Variants in CTNND2 observed in about 807,000 individuals in gnomAD.
CTNND2 encodes the protein catenin delta-2.
CTNND2 carries 22 observed loss-of-function variants against 144.4 expected under a neutral mutation model. That is an observed-to-expected ratio of 0.15 (90% CI 0.11 to 0.22). The LOEUF is 0.22. CTNND2 is among the 10% of genes least tolerant of loss of function. The pLI, the probability that CTNND2 is intolerant of heterozygous loss-of-function variation, is 1.00. For missense variants in CTNND2, 1,353 were observed against 1,618.8 expected (o/e 0.84, Z 2.82); for synonymous variants, 751 against 695.6 (o/e 1.08, Z -1.25).
Position 11,443,403 on chromosome 5 carries a change from T to G in CTNND2, c.288-31334A>C, listed in dbSNP as rs1446537304. Among the ~76,000 whole-genome samples the G allele has an allele frequency of 1.7e-4, 9 of 52,378 alleles. No homozygotes were observed. The East Asian group carries it at 2.0e-3, about 12-fold the overall frequency. The allele number at this position is 52,378 out of a possible 152,430, so 34.4% of individuals were successfully genotyped here. The stretch of plus-strand genomic sequence containing the variant: ...GAGTGGGGGGTGTGTGGTGTGTGTG[T>G]GGGGGGGGTGTGTGGTGTGTGTGTG... On this transcript the variant is annotated intron_variant, in intron 3 of 21. Coordinates refer to ENST00000304623, the MANE Select transcript of CTNND2 (RefSeq NM_001332.4).
chr5:11,299,685 C>T (rs1201605612), intron 9 of CTNND2, among the ~76,000 whole-genome samples: 3 of 152,146 alleles, frequency 2.0e-5, no homozygotes, highest in Non-Finnish European at 4.4e-5. Context: ...TGAAACTTTC[C>T]TGCCAAGGTG....
intron 11 of CTNND2, among the ~76,000 whole-genome samples, chr5:11,173,245 G>A (rs56968720): frequency 6.6e-6 from 1 of 152,232 alleles, no homozygotes; most frequent in East Asian, 1.9e-4. Context: ...CAGGAGGAGA[G>A]AGAGCTGGGG....
chr5:11,546,275 A>G (rs896657815), intron 3 of CTNND2, among the ~76,000 whole-genome samples: 3 of 111,718 alleles, frequency 2.7e-5, no homozygotes, highest in South Asian at 3.0e-4. Context: ...CATTTGATTT[A>G]TATCTCAATA....
intron 10 of CTNND2, among the ~76,000 whole-genome samples, chr5:11,207,420 G>A (rs1738165273): frequency 6.6e-6 from 1 of 151,308 alleles, no homozygotes; most frequent in African/African-American, 2.4e-5. Flanking sequence ...AAGGCCTCAT[G>A]TTATTTAACT....
intron 3 of CTNND2, among the ~76,000 whole-genome samples, chr5:11,451,115 A>G (rs1765277261): frequency 1.3e-5 from 2 of 151,970 alleles, no homozygotes; most frequent in Non-Finnish European, 2.9e-5. Flanking sequence ...ACCATATGTC[A>G]CAACCAAAGG....
At chr5:11,043,892 C>G (rs1334263734) in intron 16 of CTNND2, among the ~76,000 whole-genome samples, 1 of 152,194 alleles carries the variant, frequency 6.6e-6, no homozygotes, top group African/African-American at 2.4e-5. Flanking sequence ...TGGCTCAAAC[C>G]TCAGGAAAGT....
chr5:11,354,645 C>T (rs1416823564), intron 8 of CTNND2, among the ~76,000 whole-genome samples: 1 of 152,078 alleles, frequency 6.6e-6, no homozygotes, highest in Admixed American at 6.6e-5. Context: ...AAGAGATAGA[C>T]TATAGAACAG....
At chr5:11,734,708 T>G (rs1316812376) in intron 1 of CTNND2, among the ~76,000 whole-genome samples, 1 of 152,200 alleles carries the variant, frequency 6.6e-6, no homozygotes, top group East Asian at 1.9e-4. Flanking sequence ...GGGTTTTACA[T>G]TAAGAGATGT....
At chr5:11,766,896 C>T (rs778999017) in intron 1 of CTNND2, among the ~76,000 whole-genome samples, 61 of 152,118 alleles carry the variant, frequency 4.0e-4, no homozygotes, top group Middle Eastern at 3.2e-3. Flanking sequence ...GTAATAAACA[C>T]CTCAGGAAAA....
At chr5:11,281,799 C>T (rs535087192) in intron 9 of CTNND2, among the ~76,000 whole-genome samples, 42 of 152,254 alleles carry the variant, frequency 2.8e-4, no homozygotes, top group African/African-American at 5.1e-4. Context: ...GATTGGGTGA[C>T]GGCCAATTTT....
At chr5:11,009,774 A>C (rs375980317) in intron 18 of CTNND2, among the ~76,000 whole-genome samples, 3 of 152,234 alleles carry the variant, frequency 2.0e-5, no homozygotes, top group African/African-American at 7.2e-5. Context: ...CAACAGCTGT[A>C]ACTTAGTGAC....
chr5:11,742,004 G>T (rs1456499940), intron 1 of CTNND2, among the ~76,000 whole-genome samples: 1 of 151,430 alleles, frequency 6.6e-6, no homozygotes. Flanking sequence ...AAGCTATGAG[G>T]ACACAAAGGC....
intron 2 of CTNND2, among the ~76,000 whole-genome samples, chr5:11,639,569 C>T (rs1425759428): frequency 6.6e-6 from 1 of 152,256 alleles, no homozygotes; most frequent in East Asian, 1.9e-4. Context: ...ATTAGTTCCA[C>T]TGTGTAGCAT....
intron 14 of CTNND2, among the ~76,000 whole-genome samples, chr5:11,101,702 C>T (rs1177054894): frequency 6.6e-6 from 1 of 152,146 alleles, no homozygotes; most frequent in East Asian, 1.9e-4. Flanking sequence ...TGAGAACCTA[C>T]TACCAAAAAC....
chr5:11,158,542 T>TCTTG (rs1758447678), intron 12 of CTNND2, among the ~76,000 whole-genome samples: 1 of 152,128 alleles, frequency 6.6e-6, no homozygotes, highest in Non-Finnish European at 1.5e-5. Context: ...GGAGGCAGGC[T>TCTTG]CTTATCTTGC....
rs191771363 is a variant in CTNND2, at chr5:11,174,707, C to T, written c.1976-14948G>A. 3.3e-5 allele frequency among the ~76,000 whole-genome samples: 5 copies of T among 152,240 alleles called. No individual in the cohort carries two copies. The East Asian group carries it at 7.7e-4, about 23-fold the overall frequency. ...GTATTCAGTGATTATACGCAGAGCA[C>T]GTCACAAGAGGGGATAAAAATCACT... On this transcript the variant is annotated intron_variant, in intron 11 of 21. Coordinates refer to ENST00000304623, the MANE Select transcript of CTNND2 (RefSeq NM_001332.4).
At chr5:11,072,090 A>T (rs1465100333) in intron 16 of CTNND2, among the ~76,000 whole-genome samples, 1 of 152,224 alleles carries the variant, frequency 6.6e-6, no homozygotes, top group African/African-American at 2.4e-5. Context: ...ATAGTCAATT[A>T]AAATGTAATA....
chr5:11,680,351 T>C (rs1395887303), intron 2 of CTNND2, among the ~76,000 whole-genome samples: 4 of 152,124 alleles, frequency 2.6e-5, no homozygotes, highest in Admixed American at 6.5e-5. Context: ...ACATTTGGCA[T>C]TGAATGGAGA....
chr5:11,454,212 G>C (rs1765527520), intron 3 of CTNND2, among the ~76,000 whole-genome samples: 1 of 152,200 alleles, frequency 6.6e-6, no homozygotes. Flanking sequence ...ACGAGGTCTA[G>C]AGATTGAGAC....
Sources: allele counts gnomAD v4.1 joint callset (sites outside exome capture counted in the v4.1 genomes callset), GRCh38; gene constraint gnomAD v4.1.1; transcripts MANE v1.5; gene names NCBI Gene and HGNC (gene_info 2026-07-23, HGNC 2026-07-21).